MMRN1: variants seen among roughly 807,000 people sequenced by gnomAD.
MMRN1 encodes the protein multimerin 1.
In MMRN1, 94 loss-of-function variants were observed where a neutral mutation model predicts 100.7. That is an observed-to-expected ratio of 0.93 (90% CI 0.79 to 1.11). The LOEUF (loss-of-function observed/expected upper bound fraction) is 1.11. Ranked by LOEUF, MMRN1 falls within the 50% of genes least tolerant of loss-of-function variation. The pLI is 0.00. For synonymous variants in MMRN1, 575 were observed against 505.0 expected, an observed-to-expected ratio of 1.14 and a Z score of -1.86; for missense variants, 1,606 against 1,439.1, an observed-to-expected ratio of 1.12 and a Z score of -1.88.
At chr4:89,913,896 C>T (rs1721832198) in intron 3 of MMRN1, among the ~76,000 whole-genome samples, 1 of 151,328 alleles carries the variant, frequency 6.6e-6, no homozygotes, top group African/African-American at 2.4e-5. Flanking sequence ...GGCAGATATG[C>T]ATATTGTGTC....
rs756290184 is a variant in MMRN1, at chr4:89,936,810, C to T, written c.3118+12C>T. On this transcript the variant is annotated intron_variant, in intron 6 of 7. Coordinates refer to ENST00000264790, the MANE Select transcript of MMRN1 (RefSeq NM_007351.3). ...CATAATATATCCTGGTAAGCTGTTA[C>T]TGAAAAGTAACTTTTAATCTCTCTT... 1 of 1,555,756 alleles carries T rather than the reference C, an allele frequency of 6.4e-7. No homozygotes were observed. The highest frequency in any genetic ancestry group is 1.4e-5 in the African/African-American group (1 of 72,486).
At chr4:89,951,112 G>C (rs1214124112) in intron 6 of MMRN1, among the ~76,000 whole-genome samples, 5 of 151,954 alleles carry the variant, frequency 3.3e-5, no homozygotes, top group Admixed American at 2.6e-4. Flanking sequence ...AAATTTTAAA[G>C]CTCTAGAAAG....
At chr4:89,891,570 C>T (rs924701511), upstream of MMRN1, among the ~76,000 whole-genome samples, 2 of 152,036 alleles carry the variant, frequency 1.3e-5, no homozygotes, top group Non-Finnish European at 2.9e-5. Context: ...TTTAACTTAC[C>T]TAGCACATCG....
At chr4:89,893,458 A>C (rs1468274916), upstream of MMRN1, among the ~76,000 whole-genome samples, 1 of 152,124 alleles carries the variant, frequency 6.6e-6, no homozygotes, top group Non-Finnish European at 1.5e-5. Flanking sequence ...AATAAGGACT[A>C]GAGAAAATAT....
intron 5 of MMRN1, among the ~76,000 whole-genome samples, chr4:89,928,172 TTGAC>T (rs1049308699): frequency 6.6e-6 from 1 of 152,226 alleles, no homozygotes; most frequent in East Asian, 1.9e-4. Context: ...ACTGAAGTCT[TTGAC>T]TGAATATTCC....
intron 1 of MMRN1, among the ~76,000 whole-genome samples, chr4:89,908,882 T>C (rs1213665170): frequency 6.6e-6 from 1 of 151,418 alleles, no homozygotes; most frequent in African/African-American, 2.4e-5. Context: ...AACCATTTAT[T>C]TACTTATTTA....
At chr4:89,940,134 T>G (rs1464514269) in intron 6 of MMRN1, among the ~76,000 whole-genome samples, 1 of 152,182 alleles carries the variant, frequency 6.6e-6, no homozygotes, top group Non-Finnish European at 1.5e-5. Context: ...AGGTTTTTAT[T>G]TCATCTTTGA....
chr4:89,928,046 T>A, intron 5 of MMRN1, 78 bp downstream of exon 5: 1 of 1,202,178 alleles, frequency 8.3e-7, no homozygotes, highest in Non-Finnish European at 1.1e-6. Context: ...TTACATCACT[T>A]TGGGATCTTT....
intron 2 of MMRN1, among the ~76,000 whole-genome samples, chr4:89,910,099 G>A (rs1721700649): frequency 6.6e-6 from 1 of 151,334 alleles, no homozygotes; most frequent in South Asian, 2.1e-4. Flanking sequence ...AATAACTCAG[G>A]CAATGAATCT....
intron 1 of MMRN1, among the ~76,000 whole-genome samples, chr4:89,889,161 C>T (rs973420199): frequency 2.0e-5 from 3 of 152,114 alleles, no homozygotes; most frequent in Non-Finnish European, 2.9e-5. Flanking sequence ...AGTTTTAACT[C>T]ACCACGCTCT....
chr4:89,944,876 C>T (rs573183053), intron 6 of MMRN1, among the ~76,000 whole-genome samples: 12 of 152,248 alleles, frequency 7.9e-5, no homozygotes, highest in African/African-American at 2.9e-4. Context: ...GTATAACTTA[C>T]ATTTAGTTAA....
At chr4:89,944,465 A>T (rs962314351) in intron 6 of MMRN1, among the ~76,000 whole-genome samples, 1 of 152,196 alleles carries the variant, frequency 6.6e-6, no homozygotes, top group African/African-American at 2.4e-5. Flanking sequence ...CCAAAAAATT[A>T]AAAAATATTT....
intron 1 of MMRN1, among the ~76,000 whole-genome samples, chr4:89,881,421 T>A (rs1369373513): frequency 1.3e-5 from 2 of 152,088 alleles, no homozygotes; most frequent in Non-Finnish European, 2.9e-5. Context: ...AAGTTGAGAA[T>A]GAATGTTGTA....
At chr4:89,903,971 G>A (rs1320646233) in intron 1 of MMRN1, among the ~76,000 whole-genome samples, 1 of 149,296 alleles carries the variant, frequency 6.7e-6, no homozygotes, top group African/African-American at 2.5e-5. Flanking sequence ...CAGTTAAAAG[G>A]AGAATAAAAA....
chr4:89,926,389 G>A (rs2110620000), intron 4 of MMRN1, among the ~76,000 whole-genome samples: 1 of 152,232 alleles, frequency 6.6e-6, no homozygotes, highest in South Asian at 2.1e-4. Flanking sequence ...GTTATGTTAA[G>A]CACCTTTTTA....
In MMRN1 at chr4:89,936,336, G is replaced by A. The variant is rs749074951; in HGVS notation, c.2656G>A (p.Val886Ile). The change falls in exon 6 of 8, where the codon GTT becomes ATT. Residue 886 changes from valine (V) to isoleucine (I), a missense_variant. Coordinates refer to ENST00000264790, the MANE Select transcript of MMRN1 (RefSeq NM_007351.3). ...YYISVKKGSV[V>I]TNERDQALQL... ...TATTTCAGTTAAAAAAGGCAGTGTA[G>A]TTACAAATGAGAGAGATCAGGCTCT... is the stretch of plus-strand genomic sequence containing the variant. 10 of 1,612,816 alleles carry A rather than the reference G, an allele frequency of 6.2e-6. No homozygotes were observed. The East Asian group carries it at 1.8e-4, about 29-fold the overall frequency.
At chr4:89,901,922 G>T (rs542976709) in intron 1 of MMRN1, 7 of 151,870 alleles carry the variant, frequency 4.6e-5, no homozygotes, top group African/African-American at 1.7e-4. Context: ...TTATTTGGGG[G>T]TAAATGCTAA....
chr4:89,883,153 G>C (rs371752077), intron 1 of MMRN1, among the ~76,000 whole-genome samples: 2 of 151,864 alleles, frequency 1.3e-5, no homozygotes, highest in African/African-American at 4.8e-5. Flanking sequence ...TCCATTCCTT[G>C]TTTATATCTT....
chr4:89,920,501 A>G (rs1016866927), intron 3 of MMRN1, among the ~76,000 whole-genome samples: 2 of 152,230 alleles, frequency 1.3e-5, no homozygotes, highest in East Asian at 3.9e-4. Flanking sequence ...GAAATCAGGA[A>G]GCTGTGAAAG....
Sources: allele counts gnomAD v4.1 joint callset (sites outside exome capture counted in the v4.1 genomes callset), GRCh38; gene constraint gnomAD v4.1.1; transcripts MANE v1.5; gene names NCBI Gene and HGNC (gene_info 2026-07-23, HGNC 2026-07-21).